ANK2: variants seen among roughly 807,000 people sequenced by gnomAD.
ANK2 encodes ankyrin-2.
A neutral mutation model predicts 360.5 loss-of-function variants in ANK2; 83 were observed. The ratio of observed to expected loss-of-function variants is 0.23; its 90% CI spans 0.19 to 0.28. The LOEUF (loss-of-function observed/expected upper bound fraction) is 0.28, where lower values mean the gene tolerates loss of function less well. ANK2 is among the 10% of genes least tolerant of loss of function. ANK2 has a pLI of 1.00. For synonymous variants in ANK2, 1,740 were observed against 1,759.5 expected (o/e 0.99, Z 0.28); for missense variants, 4,201 against 4,795.7 (o/e 0.88, Z 3.66).
chr4:113,062,464 T>C (rs1287279836), intron 1 of ANK2, among the ~76,000 whole-genome samples: 1 of 152,172 alleles, frequency 6.6e-6, no homozygotes, highest in Non-Finnish European at 1.5e-5. Context: ...ATTTTCTGGC[T>C]GTATAGCTCT....
intron 14 of ANK2, among the ~76,000 whole-genome samples, chr4:113,270,253 C>T (rs182579410): frequency 2.0e-4 from 30 of 152,164 alleles, no homozygotes; most frequent in African/African-American, 6.7e-4. Flanking sequence ...GTTTATTATT[C>T]AAATTAAAAT....
chr4:113,240,016 G>T (rs1362896338), intron 7 of ANK2, among the ~76,000 whole-genome samples: 1 of 152,010 alleles, frequency 6.6e-6, no homozygotes, highest in Non-Finnish European at 1.5e-5. Flanking sequence ...ATATTTTCAT[G>T]CTTCCAAAAG....
At chr4:112,974,173 C>G (rs1333220512) in intron 2 of ANK2, among the ~76,000 whole-genome samples, 1 of 152,190 alleles carries the variant, frequency 6.6e-6, no homozygotes, top group African/African-American at 2.4e-5. Flanking sequence ...TGACACACCT[C>G]TCTTATGAAT....
chr4:112,712,785 G>A, the ANK2 span, among the ~76,000 whole-genome samples: 1 of 152,124 alleles, frequency 6.6e-6, no homozygotes, highest in African/African-American at 2.4e-5. Context: ...AGACAGTGAA[G>A]GGATGACAGT....
intron 1 of ANK2, among the ~76,000 whole-genome samples, chr4:113,059,303 A>G (rs1417707040): frequency 6.6e-6 from 1 of 152,184 alleles, no homozygotes; most frequent in East Asian, 1.9e-4. Flanking sequence ...TAAAGTTGAC[A>G]CAGTAAATAC....
chr4:112,780,337 A>G, the ANK2 span, among the ~76,000 whole-genome samples: 2 of 152,232 alleles, frequency 1.3e-5, no homozygotes, highest in African/African-American at 4.8e-5. Context: ...TGCAGTCTAA[A>G]GATTTTTAAA....
chr4:113,344,351 C>G (rs2094595663), intron 34 of ANK2, among the ~76,000 whole-genome samples: 2 of 152,054 alleles, frequency 1.3e-5, no homozygotes, highest in African/African-American at 4.8e-5. Flanking sequence ...CACTCCATAC[C>G]CATTAGGATG....
At chr4:112,952,044 A>G (rs1401003109) in intron 2 of ANK2, among the ~76,000 whole-genome samples, 1 of 152,188 alleles carries the variant, frequency 6.6e-6, no homozygotes, top group Non-Finnish European at 1.5e-5. Context: ...ATTGAACTCA[A>G]ATCTCTTTCA....
At chr4:113,131,665 C>T (rs1001508076) in intron 1 of ANK2, among the ~76,000 whole-genome samples, 2 of 152,162 alleles carry the variant, frequency 1.3e-5, no homozygotes, top group African/African-American at 4.8e-5. Context: ...TTTATACACT[C>T]CTAAGTGGAG....
intron 1 of ANK2, among the ~76,000 whole-genome samples, chr4:113,110,620 T>A (rs1018298199): frequency 1.3e-5 from 2 of 152,170 alleles, no homozygotes. Flanking sequence ...ATGGATACAA[T>A]AGTCATTTTC....
chr4:113,253,191 A>G (rs562409415), intron 10 of ANK2, among the ~76,000 whole-genome samples: 4 of 151,928 alleles, frequency 2.6e-5, no homozygotes, highest in South Asian at 4.2e-4. Context: ...CACTTTCTTT[A>G]TTTACTTTCT....
chr4:113,315,395 G>A (rs2082203941), intron 24 of ANK2, among the ~76,000 whole-genome samples: 2 of 152,088 alleles, frequency 1.3e-5, no homozygotes, highest in African/African-American at 2.4e-5. Context: ...CACGTCACAA[G>A]GTTTTATTTG....
chr4:113,369,225 A>G (rs1343901174), intron 42 of ANK2, among the ~76,000 whole-genome samples: 1 of 152,230 alleles, frequency 6.6e-6, no homozygotes, highest in Non-Finnish European at 1.5e-5. Flanking sequence ...AGATGAAACT[A>G]TAACTTATAT....
At chr4:113,326,449 A>G (rs181560702) in intron 26 of ANK2, among the ~76,000 whole-genome samples, 2 of 152,190 alleles carry the variant, frequency 1.3e-5, no homozygotes, top group East Asian at 1.9e-4. Flanking sequence ...TGGCAATTCC[A>G]TTATTTGAGT....
intron 2 of ANK2, among the ~76,000 whole-genome samples, chr4:112,928,305 GAAAAATAGTATGGTACTAT>G (rs567623775): frequency 2.6e-5 from 4 of 151,366 alleles, no homozygotes; most frequent in Non-Finnish European, 1.5e-5. Flanking sequence ...GTCTTAAATA[GAAAAATAGTATGGTACTAT>G]AAAAATAGTA....
chr4:113,046,376 C>T (rs1421485292), upstream of ANK2, among the ~76,000 whole-genome samples: 1 of 152,096 alleles, frequency 6.6e-6, no homozygotes, highest in Non-Finnish European at 1.5e-5. Flanking sequence ...AATGACACTG[C>T]TATGGCTTGA....
At chr4:112,810,155 ATATATTTTTT>A in the ANK2 span, among the ~76,000 whole-genome samples, 50 of 23,284 alleles carry the variant, frequency 2.1e-3, no homozygotes, top group African/African-American at 8.8e-3. Context: ...ATATATATAT[ATATATTTTTT>A]TTTTTTTTTT....
intron 22 of ANK2, among the ~76,000 whole-genome samples, chr4:113,298,765 A>G (rs941136946): frequency 1.3e-5 from 2 of 152,214 alleles, no homozygotes; most frequent in East Asian, 3.8e-4. Flanking sequence ...TAGCAGAAAG[A>G]GATGTCCATG....
chr4:112,905,297 G>A (rs1181699235), intron 2 of ANK2, among the ~76,000 whole-genome samples: 1 of 151,666 alleles, frequency 6.6e-6, no homozygotes, highest in Non-Finnish European at 1.5e-5. Flanking sequence ...GATGTTTCAG[G>A]TGCAATAAAT....
Sources: gnomAD v4.1 joint callset for allele counts (sites outside exome capture counted in the v4.1 genomes callset) on GRCh38, gnomAD v4.1.1 for gene constraint, MANE v1.5 for transcripts, NCBI Gene and HGNC (gene_info 2026-07-23, HGNC 2026-07-21) for gene names.